Variants in UBE2E2 observed in about 807,000 individuals in gnomAD.
UBE2E2 encodes the protein ubiquitin conjugating enzyme E2 E2, also known as ubiquitin-conjugating enzyme E2 E2.
In UBE2E2, 6 loss-of-function variants were observed where a neutral mutation model predicts 24.7. The ratio of observed to expected loss-of-function variants is 0.24; its 90% CI spans 0.13 to 0.48. The LOEUF is 0.48. Among genes scored for constraint, UBE2E2 ranks in the 20% least tolerant of loss-of-function variants. The pLI is 0.99. For missense variants in UBE2E2, 169 were observed against 245.0 expected (o/e 0.69, Z 2.07); for synonymous variants, 104 against 83.6 (o/e 1.24, Z -1.33).
At chr3:23,386,961 A>G (rs1458981078) in intron 3 of UBE2E2, among the ~76,000 whole-genome samples, 10 of 152,308 alleles carry the variant, frequency 6.6e-5, no homozygotes, top group Admixed American at 3.9e-4. Flanking sequence ...GATCAGTTAC[A>G]GTTTACCCAA....
chr3:23,582,192 G>A (rs567083259), intron 5 of UBE2E2, among the ~76,000 whole-genome samples: 2 of 152,228 alleles, frequency 1.3e-5, no homozygotes, highest in East Asian at 1.9e-4. Context: ...TAAGATGATG[G>A]CCTCCAGCTC....
intron 3 of UBE2E2, among the ~76,000 whole-genome samples, chr3:23,375,361 G>C (rs887262781): frequency 6.6e-6 from 1 of 152,114 alleles, no homozygotes; most frequent in Non-Finnish European, 1.5e-5. Context: ...AATGCTACCT[G>C]ATCCAAAAAC....
At chr3:23,332,309 A>G (rs9826089) in intron 3 of UBE2E2, among the ~76,000 whole-genome samples, 63,104 of 151,746 alleles carry the variant, frequency 0.42, 13,411 homozygotes, top group Admixed American at 0.55. Flanking sequence ...ATGCCTGGCT[A>G]ATTTTTGTAT....
chr3:23,232,743 G>A (rs1021204291), intron 3 of UBE2E2, among the ~76,000 whole-genome samples: 25 of 152,224 alleles, frequency 1.6e-4, no homozygotes, highest in African/African-American at 5.1e-4. Context: ...TGCTCTTTGC[G>A]CATACATTGT....
chr3:23,357,943 C>A (rs1696008258), intron 3 of UBE2E2, among the ~76,000 whole-genome samples: 1 of 152,208 alleles, frequency 6.6e-6, no homozygotes, highest in South Asian at 2.1e-4. Flanking sequence ...AAGCGTGATC[C>A]TTCTACCTCA....
chr3:23,234,067 AG>A (rs1315371633), intron 3 of UBE2E2, among the ~76,000 whole-genome samples: 1 of 152,036 alleles, frequency 6.6e-6, no homozygotes, highest in African/African-American at 2.4e-5. Flanking sequence ...CTTTGAGGTC[AG>A]GGGGAAAAGC....
chr3:23,564,201 T>G (rs1696007340), intron 5 of UBE2E2, among the ~76,000 whole-genome samples: 1 of 151,992 alleles, frequency 6.6e-6, no homozygotes, highest in Non-Finnish European at 1.5e-5. Context: ...GGGCAATAGG[T>G]CTGTTCATTG....
intron 3 of UBE2E2, among the ~76,000 whole-genome samples, chr3:23,384,132 A>C (rs1185178914): frequency 6.6e-6 from 1 of 152,086 alleles, no homozygotes; most frequent in African/African-American, 2.4e-5. Flanking sequence ...AGTGGTTAGA[A>C]CTACAGGCAT....
chr3:23,284,617 C>T (rs1056171816), intron 3 of UBE2E2, among the ~76,000 whole-genome samples: 4 of 151,416 alleles, frequency 2.6e-5, no homozygotes, highest in African/African-American at 9.7e-5. Flanking sequence ...GGGGATGATA[C>T]CTTGGGGATG....
Position 23,532,538 on chromosome 3 carries a change from T to G in UBE2E2, c.361-16T>G. ...ACACTTTGTCTAACAAAATATAACT[T>G]TACATTTTCTTGTAGGTTACCTTCC... On this transcript the variant is annotated splice_polypyrimidine_tract_variant and intron_variant, in intron 4 of 5. Coordinates refer to ENST00000396703, the MANE Select transcript of UBE2E2 (RefSeq NM_152653.4). The G allele has an allele frequency of 6.7e-7, 1 of 1,500,470 alleles. No homozygotes were observed. The allele number at this position is 1,500,470 out of a possible 1,614,324, so 92.9% of individuals were successfully genotyped here.
At chr3:23,287,088 T>C (rs915506171) in intron 3 of UBE2E2, among the ~76,000 whole-genome samples, 2 of 152,162 alleles carry the variant, frequency 1.3e-5, no homozygotes, top group Non-Finnish European at 2.9e-5. Flanking sequence ...GCTTTTATTA[T>C]GTTGAGGTGT....
intron 3 of UBE2E2, among the ~76,000 whole-genome samples, chr3:23,337,500 C>G (rs1356156465): frequency 1.3e-5 from 2 of 152,136 alleles, no homozygotes; most frequent in Non-Finnish European, 2.9e-5. Flanking sequence ...GAGTTTAGCA[C>G]AAATTGTCAT....
chr3:23,443,219 A>G (rs1698345237), intron 3 of UBE2E2, among the ~76,000 whole-genome samples: 1 of 152,166 alleles, frequency 6.6e-6, no homozygotes, highest in East Asian at 1.9e-4. Context: ...CTCCAGAGGA[A>G]TGACCTCAAA....
intron 3 of UBE2E2, among the ~76,000 whole-genome samples, chr3:23,314,318 C>T (rs1461161443): frequency 1.3e-5 from 2 of 151,990 alleles, no homozygotes; most frequent in African/African-American, 4.8e-5. Context: ...TTGTAGATAA[C>T]GTGATTTCAT....
intron 3 of UBE2E2, among the ~76,000 whole-genome samples, chr3:23,315,303 A>AG (rs1157915846): frequency 2.9e-4 from 39 of 133,122 alleles, no homozygotes; most frequent in Non-Finnish European, 3.2e-4. Context: ...GGTGTGCTTC[A>AG]TTTTTTTTTT....
chr3:23,259,645 T>C (rs1697844077), intron 3 of UBE2E2, among the ~76,000 whole-genome samples: 1 of 152,204 alleles, frequency 6.6e-6, no homozygotes, highest in South Asian at 2.1e-4. Context: ...AAGGCTGTAT[T>C]ACATGTGTGA....
intron 5 of UBE2E2, among the ~76,000 whole-genome samples, chr3:23,574,656 A>G (rs911693658): frequency 6.6e-6 from 1 of 152,100 alleles, no homozygotes; most frequent in East Asian, 1.9e-4. Context: ...GTTTGAGGCT[A>G]TAGTACACTA....
At chr3:23,243,481 T>G (rs1393113685) in intron 3 of UBE2E2, among the ~76,000 whole-genome samples, 9 of 152,346 alleles carry the variant, frequency 5.9e-5, no homozygotes, top group Admixed American at 4.6e-4. Flanking sequence ...TTCTGCTTCT[T>G]TCTGATCATT....
At chr3:23,580,861 T>A (rs1248092624) in intron 5 of UBE2E2, among the ~76,000 whole-genome samples, 1 of 151,592 alleles carries the variant, frequency 6.6e-6, no homozygotes, top group African/African-American at 2.4e-5. Flanking sequence ...TTATTGCATA[T>A]TTTAATAACT....
Sources: allele counts gnomAD v4.1 joint callset (sites outside exome capture counted in the v4.1 genomes callset), GRCh38; gene constraint gnomAD v4.1.1; transcripts MANE v1.5; gene names NCBI Gene and HGNC (gene_info 2026-07-23, HGNC 2026-07-21).